The following IGSF21 variants were observed in gnomAD, a reference collection of about 807,000 sequenced individuals.
IGSF21 encodes immunoglobulin superfamily member 21.
Under a neutral mutation model 46.8 loss-of-function variants are expected in IGSF21, and 28 were observed. The observed-to-expected ratio is 0.60, with a 90% CI of 0.44 to 0.82. The LOEUF (loss-of-function observed/expected upper bound fraction) is 0.82. IGSF21 is among the 40% of genes least tolerant of loss of function. The pLI is 0.00. For synonymous variants in IGSF21, 284 were observed against 273.6 expected, an observed-to-expected ratio of 1.04 and a Z score of -0.38; for missense variants, 624 against 665.5, an observed-to-expected ratio of 0.94 and a Z score of 0.69.
intron 1 of IGSF21, among the ~76,000 whole-genome samples, chr1:18,215,308 C>A (rs2084432824): frequency 6.6e-6 from 1 of 152,186 alleles, no homozygotes; most frequent in Non-Finnish European, 1.5e-5. Context: ...GTGTGGCCAG[C>A]AACACGCAAA....
intron 2 of IGSF21, among the ~76,000 whole-genome samples, chr1:18,285,179 T>G (rs1056228906): frequency 7.8e-6 from 1 of 128,156 alleles, no homozygotes; most frequent in Non-Finnish European, 1.6e-5. Flanking sequence ...AGGTGATATT[T>G]TCCCCTTTTC....
intron 1 of IGSF21, among the ~76,000 whole-genome samples, chr1:18,145,737 C>A (rs1040178609): frequency 1.7e-4 from 26 of 152,148 alleles, no homozygotes; most frequent in African/African-American, 5.8e-4. Flanking sequence ...GCAAATGTGG[C>A]AGGTTCATAA....
Position 18,273,155 on chromosome 1 carries a change from C to G in IGSF21, c.184-18711C>G, listed in dbSNP as rs373317130. On this transcript the variant is annotated intron_variant, in intron 2 of 9. Transcript: ENST00000251296. Reference sequence around the variant, plus strand: ...CCACCTCCTAGGTTCAAGCAGTTCTCATGCCTCAGACAGTAGCTGGGATTA... The same window carrying G: ...CCACCTCCTAGGTTCAAGCAGTTCTGATGCCTCAGACAGTAGCTGGGATTA... Among the ~76,000 whole-genome samples the G allele has an allele frequency of 9.6e-4, 144 of 149,816 alleles. No homozygotes were observed. In the South Asian group the frequency reaches 0.013, roughly 14 times the overall value.
intron 1 of IGSF21, chr1:18,111,044 G>A (rs1333533194): frequency 6.6e-6 from 1 of 152,334 alleles, no homozygotes; most frequent in East Asian, 1.9e-4. Flanking sequence ...TGGGATGGAG[G>A]GGCTGTCTCC....
At chr1:18,352,743 TC>T (rs1368195665) in intron 4 of IGSF21, among the ~76,000 whole-genome samples, 2 of 152,164 alleles carry the variant, frequency 1.3e-5, no homozygotes, top group Non-Finnish European at 2.9e-5. Context: ...AGCCAGAGCC[TC>T]CAGTTGGGGC....
chr1:18,311,490 C>G (rs977404025), intron 3 of IGSF21, among the ~76,000 whole-genome samples: 2 of 152,190 alleles, frequency 1.3e-5, no homozygotes, highest in Non-Finnish European at 2.9e-5. Context: ...CGGAGCTGGT[C>G]TTTGAAACCA....
At chr1:18,278,397 C>A (rs936451528) in intron 2 of IGSF21, among the ~76,000 whole-genome samples, 1 of 151,614 alleles carries the variant, frequency 6.6e-6, no homozygotes, top group Non-Finnish European at 1.5e-5. Flanking sequence ...CCCCCCAACA[C>A]ACCTGGCTAA....
At chr1:18,355,719 C>G (rs553997919) in intron 4 of IGSF21, among the ~76,000 whole-genome samples, 1 of 151,570 alleles carries the variant, frequency 6.6e-6, no homozygotes, top group East Asian at 1.9e-4. Flanking sequence ...TCATGGTGGA[C>G]TTATAGAATA....
chr1:18,146,108 G>A (rs1003992296), intron 1 of IGSF21, among the ~76,000 whole-genome samples: 1 of 152,184 alleles, frequency 6.6e-6, no homozygotes, highest in African/African-American at 2.4e-5. Context: ...AGAAAAAGGA[G>A]GGTATTATGA....
Position 18,198,432 on chromosome 1 carries a change from G to A in IGSF21, c.71-29466G>A, listed in dbSNP as rs371728885. ...GGGAGCAGCTGTCATTGTAAGAACT[G>A]AGTGAGCCCAGGAGCCAGGCTCCCA... On this transcript the variant is annotated intron_variant, in intron 1 of 9. Coordinates refer to ENST00000251296, the MANE Select transcript of IGSF21 (RefSeq NM_032880.5). Among the ~76,000 whole-genome samples the A allele has an allele frequency of 2.4e-3, 362 of 152,300 alleles. 12 individuals carry two copies. The South Asian group carries it at 0.065, about 27-fold the overall frequency.
chr1:18,154,890 A>G (rs1472667825), intron 1 of IGSF21, among the ~76,000 whole-genome samples: 2 of 151,310 alleles, frequency 1.3e-5, no homozygotes, highest in Non-Finnish European at 2.9e-5. Context: ...ACTGGCTGGA[A>G]TCTGGAAAAA....
chr1:18,360,902 G>A (rs1230230059), intron 4 of IGSF21, among the ~76,000 whole-genome samples: 1 of 152,166 alleles, frequency 6.6e-6, no homozygotes, highest in African/African-American at 2.4e-5. Context: ...GCACGTGGAG[G>A]TGGTGGTGAC....
intron 1 of IGSF21, among the ~76,000 whole-genome samples, chr1:18,149,806 T>A (rs2086505280): frequency 1.3e-5 from 2 of 152,200 alleles, no homozygotes; most frequent in Admixed American, 6.5e-5. Flanking sequence ...TTTCTGCATC[T>A]GTAAAATGAG....
chr1:18,115,842 G>GAAAGAAAGAAAGA (rs1557543384), intron 1 of IGSF21: 3 of 87,770 alleles, frequency 3.4e-5, no homozygotes, highest in Non-Finnish European at 6.4e-5. Context: ...AGGAAGGAAG[G>GAAAGAAAGAAAGA]AAGAAAGAAA....
intron 3 of IGSF21, among the ~76,000 whole-genome samples, chr1:18,316,860 G>A (rs533415760): frequency 6.6e-6 from 1 of 152,212 alleles, no homozygotes; most frequent in Non-Finnish European, 1.5e-5. Flanking sequence ...CATACCAAGT[G>A]CTGTGTGTTA....
chr1:18,218,025 G>T lies in IGSF21; in HGVS notation c.71-9873G>T, dbSNP rs549900775. On this transcript the variant is annotated intron_variant, in intron 1 of 9. Transcript: ENST00000251296. ...CTACTAAGTGCCAGGCACTGTTCTA[G>T]ATTCTAGGGATATAGTAGTGTTAGT... Among the ~76,000 whole-genome samples the T allele has an allele frequency of 7.9e-5, 12 of 152,350 alleles. No individual in the cohort carries two copies. The East Asian group carries it at 2.1e-3, about 27-fold the overall frequency.
intron 1 of IGSF21, among the ~76,000 whole-genome samples, chr1:18,143,149 A>G (rs188379069): frequency 3.9e-5 from 6 of 152,314 alleles, no homozygotes; most frequent in Admixed American, 3.9e-4. Context: ...GCATCTGTAG[A>G]GGAGGACCCT....
intron 1 of IGSF21, among the ~76,000 whole-genome samples, chr1:18,143,800 G>A (rs1570264072): frequency 6.6e-6 from 1 of 152,180 alleles, no homozygotes; most frequent in Admixed American, 6.5e-5. Context: ...TCTGGGCGAG[G>A]TCTTGTCTTT....
chr1:18,127,802 G>C (rs372891548), intron 1 of IGSF21, among the ~76,000 whole-genome samples: 1 of 152,234 alleles, frequency 6.6e-6, no homozygotes, highest in African/African-American at 2.4e-5. Flanking sequence ...CCAGCTACTC[G>C]GGAGGCTGAA....
Sources: gnomAD v4.1 joint callset for allele counts (sites outside exome capture counted in the v4.1 genomes callset) on GRCh38, gnomAD v4.1.1 for gene constraint, MANE v1.5 for transcripts, NCBI Gene and HGNC (gene_info 2026-07-23, HGNC 2026-07-21) for gene names.